NDST3: variants seen among roughly 807,000 people sequenced by gnomAD.
NDST3 encodes bifunctional heparan sulfate N-deacetylase/N-sulfotransferase 3.
In NDST3, 58 loss-of-function variants were observed where a neutral mutation model predicts 96.1. That is an observed-to-expected ratio of 0.60 (90% CI 0.49 to 0.75). The LOEUF (loss-of-function observed/expected upper bound fraction) is 0.75. NDST3 is among the 30% of genes least tolerant of loss of function. The pLI is 0.00. For missense variants in NDST3, 788 were observed against 1,034.2 expected (o/e 0.76, Z 3.27); for synonymous variants, 333 against 359.7 (o/e 0.93, Z 0.84).
In NDST3 at chr4:118,114,794, C is replaced by CG. The variant is rs1313894877; in HGVS notation, c.1070-12_1070-11insG. 2.1e-5 allele frequency: 31 copies of CG among 1,467,724 alleles called. No homozygotes were observed. The highest frequency in any genetic ancestry group is 2.7e-5 in the Non-Finnish European group (30 of 1,110,860). 90.9% of individuals were successfully genotyped at this position (1,467,724 alleles called of 1,614,324 possible). A position where few individuals can be genotyped will look rare whatever the true frequency, so the allele number is the denominator to read the frequency against. On this transcript the variant is annotated splice_polypyrimidine_tract_variant and intron_variant, in intron 3 of 13. Transcript: ENST00000296499. ...AACTGGAATTAATTGGATAATATTTCCCCCCCTAAAGGAACTGAAGAGGAA... is the reference window on the plus strand; with the variant it reads ...AACTGGAATTAATTGGATAATATTTCGCCCCCCTAAAGGAACTGAAGAGGAA...
intron 9 of NDST3, among the ~76,000 whole-genome samples, chr4:118,235,056 G>GGAAGGAAGGAAAGAAGGAAA (rs1553948148): frequency 1.3e-5 from 2 of 150,438 alleles, no homozygotes; most frequent in Non-Finnish European, 3.0e-5. Flanking sequence ...AAGGAAGGAA[G>GGAAGGAAGGAAAGAAGGAAA]GAAGGAAGGA....
At chr4:118,188,712 C>T (rs1737124189) in intron 6 of NDST3, among the ~76,000 whole-genome samples, 1 of 152,136 alleles carries the variant, frequency 6.6e-6, no homozygotes, top group Admixed American at 6.6e-5. Flanking sequence ...GAATTCTTAT[C>T]CAGGCTTCAT....
intron 6 of NDST3, among the ~76,000 whole-genome samples, chr4:118,179,024 T>C (rs1736437191): frequency 6.6e-6 from 1 of 152,030 alleles, no homozygotes; most frequent in Admixed American, 6.6e-5. Context: ...GAATATCAGA[T>C]ATATTACCTA....
At chr4:118,194,607 C>CA in intron 6 of NDST3, 1 of 722,430 alleles carries the variant, frequency 1.4e-6, no homozygotes, top group South Asian at 1.4e-5. Flanking sequence ...ATTCAGTCCC[C>CA]AATCATGGGC....
chr4:118,147,329 C>T (rs1217700029), intron 6 of NDST3, among the ~76,000 whole-genome samples: 1 of 152,070 alleles, frequency 6.6e-6, no homozygotes, highest in Admixed American at 6.6e-5. Context: ...CATGATATAC[C>T]ATGGGAGAGA....
intron 4 of NDST3, among the ~76,000 whole-genome samples, chr4:118,121,629 A>G (rs1262624502): frequency 1.1e-4 from 17 of 152,198 alleles, no homozygotes; most frequent in Non-Finnish European, 2.4e-4. Flanking sequence ...GTGAGATGTG[A>G]AAAGTATTTC....
At chr4:118,234,257 CAAG>C (rs1471710864) in intron 9 of NDST3, among the ~76,000 whole-genome samples, 2 of 152,026 alleles carry the variant, frequency 1.3e-5, no homozygotes, top group Middle Eastern at 3.4e-3. Flanking sequence ...AACAAAAATA[CAAG>C]AATTAGCCAG....
At chr4:118,150,469 A>C (rs1734312335) in intron 6 of NDST3, among the ~76,000 whole-genome samples, 1 of 151,934 alleles carries the variant, frequency 6.6e-6, no homozygotes, top group Non-Finnish European at 1.5e-5. Context: ...ATGGGAGAAA[A>C]TTTTCACAAC....
chr4:118,200,036 C>A, intron 6 of NDST3, among the ~76,000 whole-genome samples: 1 of 152,176 alleles, frequency 6.6e-6, no homozygotes, highest in East Asian at 1.9e-4. Flanking sequence ...CTGCTGTAAC[C>A]ACTCTTTGGC....
intron 6 of NDST3, among the ~76,000 whole-genome samples, chr4:118,180,012 T>C (rs780277438): frequency 6.6e-6 from 1 of 152,076 alleles, no homozygotes; most frequent in South Asian, 2.1e-4. Flanking sequence ...CCAGTTAACA[T>C]GGTTCTTAAC....
chr4:118,155,193 A>G (rs2125919191), intron 6 of NDST3, among the ~76,000 whole-genome samples: 1 of 152,262 alleles, frequency 6.6e-6, no homozygotes, highest in Middle Eastern at 3.4e-3. Flanking sequence ...GTTCTTCATC[A>G]CTAACTGTGG....
chr4:118,208,501 A>G (rs149341683), intron 6 of NDST3, among the ~76,000 whole-genome samples: 1,585 of 144,356 alleles, frequency 0.011, 209 homozygotes, highest in Middle Eastern at 0.1. Flanking sequence ...AGCCCTGGGA[A>G]AACTACTTCA....
At chr4:118,107,785 C>T (rs1016506300) in intron 3 of NDST3, among the ~76,000 whole-genome samples, 10 of 151,938 alleles carry the variant, frequency 6.6e-5, no homozygotes, top group Admixed American at 1.3e-4. Flanking sequence ...AACTGAATGA[C>T]GCTAAAATTA....
Position 118,169,623 on chromosome 4 carries a change from G to GT in NDST3, c.1539+25940dup, listed in dbSNP as rs1560694144. On this transcript the variant is annotated intron_variant, in intron 6 of 13. Transcript: ENST00000296499. The stretch of plus-strand genomic sequence containing the variant: ...AGCCTGGCCAACATGGCAAAACCCC[G>GT]TCTTTACTAAAAATAAAAGAATTAG... Among the ~76,000 whole-genome samples, 859 of 151,948 alleles carry GT rather than the reference G, an allele frequency of 5.7e-3. 9 individuals are homozygous for GT. The highest frequency in any genetic ancestry group is 0.02 in the African/African-American group (825 of 41,448).
intron 6 of NDST3, among the ~76,000 whole-genome samples, chr4:118,196,456 G>C (rs1235406256): frequency 6.6e-6 from 1 of 152,074 alleles, no homozygotes; most frequent in African/African-American, 2.4e-5. Flanking sequence ...GCATAATTCA[G>C]TATTGAAGTC....
In NDST3 at chr4:118,231,334, TA is replaced by T. The variant is rs34644680; in HGVS notation, c.1820-1669del. Among the ~76,000 whole-genome samples the T allele has an allele frequency of 4.7e-3, 424 of 90,292 alleles. 4 individuals are homozygous for T. The highest frequency in any genetic ancestry group is 0.01 in the African/African-American group (355 of 35,142). The allele number at this position is 90,292 out of a possible 152,430, so 59.2% of individuals were successfully genotyped here. A position where few individuals can be genotyped will look rare whatever the true frequency, so the allele number is the denominator to read the frequency against. On this transcript the variant is annotated intron_variant, in intron 8 of 13. Transcript: ENST00000296499. ...CTGGGCAACAGAGCAAGACTCCATCTAAAAAAAAATAAATAAATAATAATAA... is the reference window on the plus strand; with the variant it reads ...CTGGGCAACAGAGCAAGACTCCATCTAAAAAAAATAAATAAATAATAATAA...
intron 1 of NDST3, among the ~76,000 whole-genome samples, chr4:118,046,979 T>C (rs1293671673): frequency 6.6e-6 from 1 of 152,126 alleles, no homozygotes; most frequent in African/African-American, 2.4e-5. Flanking sequence ...TCCCCCAAGG[T>C]CCAAGAGTGG....
intron 3 of NDST3, among the ~76,000 whole-genome samples, chr4:118,113,800 T>C (rs1560652462): frequency 6.6e-6 from 1 of 152,188 alleles, no homozygotes; most frequent in Admixed American, 6.5e-5. Context: ...AGGGAGCTTA[T>C]TGGATTCAAT....
At position 118,258,472 on chromosome 4, in the gene NDST3, G is replaced by T. The variant is rs1742242443; in HGVS notation, c.*2760G>T. 1 of 152,088 alleles carries T rather than the reference G, an allele frequency of 6.6e-6. No individual in the cohort carries two copies. Among genetic ancestry groups the T allele is most frequent in the Non-Finnish European group, 1.5e-5 (1 of 67,996 alleles). 9.4% of individuals were successfully genotyped at this position (152,088 alleles called of 1,614,324 possible). ...AACTTCCTCAGGAAGAAATGAAATG[G>T]TTATTTCAATGTTTATAGCTGTAAT... On this transcript the variant is annotated 3_prime_UTR_variant, in exon 14 of 14. Coordinates refer to ENST00000296499, the MANE Select transcript of NDST3 (RefSeq NM_004784.3).
Sources: allele counts gnomAD v4.1 joint callset (sites outside exome capture counted in the v4.1 genomes callset), GRCh38; gene constraint gnomAD v4.1.1; transcripts MANE v1.5; gene names NCBI Gene and HGNC (gene_info 2026-07-23, HGNC 2026-07-21).